LUC7L: variants seen among roughly 807,000 people sequenced by gnomAD.
LUC7L encodes the protein putative RNA-binding protein Luc7-like 1.
A neutral mutation model predicts 51.1 loss-of-function variants in LUC7L; 29 were observed. The observed-to-expected ratio is 0.57, with a 90% CI of 0.42 to 0.77. LUC7L has a LOEUF of 0.77. LUC7L is among the 30% of genes least tolerant of loss of function. The pLI, the probability that LUC7L is intolerant of heterozygous loss-of-function variation, is 0.00. For synonymous variants in LUC7L, 181 were observed against 180.7 expected, an observed-to-expected ratio of 1.00 and a Z score of -0.01; for missense variants, 403 against 511.9, an observed-to-expected ratio of 0.79 and a Z score of 2.05.
intron 2 of LUC7L, among the ~76,000 whole-genome samples, chr16:225,831 A>C (rs1469883706): frequency 1.3e-5 from 2 of 151,822 alleles, no homozygotes; most frequent in East Asian, 1.9e-4. Flanking sequence ...AAAAGAAAAG[A>C]AATACTCTCA....
In LUC7L at chr16:206,937, T is replaced by C. The variant is rs554173665; in HGVS notation, c.367-790A>G. Among the ~76,000 whole-genome samples the C allele has an allele frequency of 3.2e-3, 472 of 146,642 alleles. 4 individuals are homozygous for C. Among genetic ancestry groups the C allele is most frequent in the African/African-American group, 0.011 (435 of 39,906 alleles). On this transcript the variant is annotated intron_variant, in intron 4 of 9. Transcript: ENST00000293872. ...AAAGATGGCTGGGTGCAGTGGCTCA[T>C]GCCTGTAATCCCAGTACTTTGGGAA...
In LUC7L at chr16:189,846, C is replaced by T. The variant is rs956204416; in HGVS notation, c.974+122G>A. On this transcript the variant is annotated intron_variant, in intron 9 of 9. Coordinates refer to ENST00000293872, the MANE Select transcript of LUC7L (RefSeq NM_201412.3). ...CACCTGAGTCCCGTTCACGACTCCC[C>T]AGCCCTACTCCTGAGGGTGAGCCCA... 1.4e-5 allele frequency: 21 copies of T among 1,478,096 alleles called. No individual in the cohort carries two copies. The South Asian group carries it at 2.4e-4, about 17-fold the overall frequency. The allele number at this position is 1,478,096 out of a possible 1,614,324, so 91.6% of individuals were successfully genotyped here.
At chr16:192,003 C>G (rs1408752256) in intron 7 of LUC7L, among the ~76,000 whole-genome samples, 1 of 152,096 alleles carries the variant, frequency 6.6e-6, no homozygotes, top group Non-Finnish European at 1.5e-5. Context: ...AACAGCCCCA[C>G]CTCAAGATGG....
At chr16:228,505 C>A in intron 1 of LUC7L, 1 of 1,228,948 alleles carries the variant, frequency 8.1e-7, no homozygotes, top group Non-Finnish European at 1.0e-6. Flanking sequence ...AGCTAAAAAG[C>A]ACTTATTCAC....
At chr16:214,730 T>A (rs138453133) in intron 3 of LUC7L, among the ~76,000 whole-genome samples, 2 of 152,138 alleles carry the variant, frequency 1.3e-5, no homozygotes, top group Admixed American at 1.3e-4. Context: ...GGGTTTGTCA[T>A]CTTGCCCAGG....
intron 3 of LUC7L, chr16:209,155 G>C (rs2049567060): frequency 6.6e-6 from 1 of 151,460 alleles, no homozygotes; most frequent in Non-Finnish European, 1.5e-5. Context: ...CCACACTCCA[G>C]CCTAGGCAAC....
At chr16:201,875 C>A (rs1457250655) in intron 5 of LUC7L, among the ~76,000 whole-genome samples, 1 of 150,796 alleles carries the variant, frequency 6.6e-6, no homozygotes, top group Non-Finnish European at 1.5e-5. Context: ...TCCCAAGTAG[C>A]TGGGATTACA....
chr16:189,377 GCC>G (rs1035142058), intron 9 of LUC7L, 38 bp from the exon 10 acceptor site: 54 of 1,580,402 alleles, frequency 3.4e-5, no homozygotes, highest in Non-Finnish European at 4.5e-5. Flanking sequence ...GGAGGCTGCT[GCC>G]CCCCTTCTGC....
intron 4 of LUC7L, among the ~76,000 whole-genome samples, chr16:206,551 A>G (rs1408460574): frequency 1.3e-5 from 2 of 152,208 alleles, no homozygotes; most frequent in Non-Finnish European, 2.9e-5. Context: ...TAGCAATTGC[A>G]TAAATCCTAA....
intron 9 of LUC7L, chr16:189,578 A>C: frequency 7.3e-7 from 1 of 1,376,294 alleles, no homozygotes; most frequent in African/African-American, 1.4e-5. Flanking sequence ...TAAACAGTGC[A>C]AAGGAGAATA....
At chr16:215,403 A>C (rs544445573) in intron 3 of LUC7L, among the ~76,000 whole-genome samples, 1 of 152,026 alleles carries the variant, frequency 6.6e-6, no homozygotes, top group South Asian at 2.1e-4. Context: ...AATGGATCAC[A>C]AGGTCAGGAG....
At chr16:198,370 ATG>A (rs937737148) in intron 6 of LUC7L, among the ~76,000 whole-genome samples, 14 of 151,710 alleles carry the variant, frequency 9.2e-5, no homozygotes, top group Non-Finnish European at 2.1e-4. Flanking sequence ...GGATGGTACA[ATG>A]CTACCAGAAA....
chr16:208,213 A>AT, intron 3 of LUC7L, 25 bp from the exon 4 acceptor site: 1 of 1,484,432 alleles, frequency 6.7e-7, no homozygotes, highest in Non-Finnish European at 9.4e-7. Context: ...GCACAGCGCT[A>AT]TAATCAATGA....
At chr16:189,787 G>A in intron 9 of LUC7L, 181 bp downstream of exon 9, 1 of 1,421,180 alleles carries the variant, frequency 7.0e-7, no homozygotes, top group Non-Finnish European at 9.2e-7. Context: ...CTGGCGCCGT[G>A]CGAGCTCCTC....
intron 1 of LUC7L, chr16:227,794 G>A: frequency 1.0e-6 from 1 of 998,412 alleles, no homozygotes; most frequent in Non-Finnish European, 1.2e-6. Context: ...AAAATTGAAT[G>A]AAGAAGAAAG....
chr16:211,255 G>T (rs985352385), intron 3 of LUC7L, among the ~76,000 whole-genome samples: 1 of 152,118 alleles, frequency 6.6e-6, no homozygotes, highest in Non-Finnish European at 1.5e-5. Flanking sequence ...AACTCTAGAC[G>T]TCTAATTGCT....
At position 214,811 on chromosome 16, in the gene LUC7L, C is replaced by G. The variant is rs577651329; in HGVS notation, c.255+5838G>C. On this transcript the variant is annotated intron_variant, in intron 3 of 9. Coordinates refer to ENST00000293872, the MANE Select transcript of LUC7L (RefSeq NM_201412.3). ...AAAGCTCTTGGATTACAGGCATGGA[C>G]CACTACACCTGGCCCACAAACATCT... Among the ~76,000 whole-genome samples, 259 of 152,264 alleles carry G rather than the reference C, an allele frequency of 1.7e-3. 2 individuals are homozygous for G. The highest frequency in any genetic ancestry group is 6.0e-3 in the African/African-American group (251 of 41,562).
intron 8 of LUC7L, 56 bp from the exon 9 acceptor site, chr16:190,191 G>A: frequency 6.8e-7 from 1 of 1,460,744 alleles, no homozygotes; most frequent in Admixed American, 1.9e-5. Context: ...CACTATGAGG[G>A]CCCCACCCCT....
intron 3 of LUC7L, among the ~76,000 whole-genome samples, chr16:215,672 A>G (rs911793100): frequency 9.9e-5 from 15 of 151,494 alleles, no homozygotes; most frequent in Middle Eastern, 3.4e-3. Flanking sequence ...GTGTGGTGAC[A>G]TGCACCTGTA....
Sources: gnomAD v4.1 joint callset for allele counts (sites outside exome capture counted in the v4.1 genomes callset) on GRCh38, gnomAD v4.1.1 for gene constraint, MANE v1.5 for transcripts, NCBI Gene and HGNC (gene_info 2026-07-23, HGNC 2026-07-21) for gene names.